SCFD2: variants seen among roughly 807,000 people sequenced by gnomAD.
SCFD2 encodes sec1 family domain containing 2.
SCFD2 carries 54 observed loss-of-function variants against 58.9 expected under a neutral mutation model. The ratio of observed to expected loss-of-function variants is 0.92; its 90% CI spans 0.74 to 1.15. The LOEUF (loss-of-function observed/expected upper bound fraction) is 1.15, where lower values mean the gene tolerates loss of function less well. SCFD2 is among the 50% of genes most tolerant of loss of function. The probability of loss-of-function intolerance (pLI) is 0.00; values close to 1 mark genes in which losing one functional copy is unlikely to be tolerated. For synonymous variants in SCFD2, 321 were observed against 335.9 expected (o/e 0.96, Z 0.49); for missense variants, 805 against 836.6 (o/e 0.96, Z 0.47).
At chr4:53,033,231 C>T (rs1018373819) in intron 5 of SCFD2, among the ~76,000 whole-genome samples, 2 of 151,994 alleles carry the variant, frequency 1.3e-5, no homozygotes, top group South Asian at 2.1e-4. Context: ...GGGTAAATAA[C>T]GAAATGAAGG....
At chr4:53,022,196 G>C (rs1425739723) in intron 5 of SCFD2, among the ~76,000 whole-genome samples, 1 of 152,182 alleles carries the variant, frequency 6.6e-6, no homozygotes, top group African/African-American at 2.4e-5. Flanking sequence ...ACTATTGAGA[G>C]ATGCATGTAA....
chr4:52,886,274 A>G (rs1024236246), intron 7 of SCFD2, among the ~76,000 whole-genome samples: 1 of 152,104 alleles, frequency 6.6e-6, no homozygotes, highest in African/African-American at 2.4e-5. Context: ...TTCTGAGCCC[A>G]TAAAAGCCCT....
In SCFD2 at chr4:52,901,108, C is replaced by T. The variant is rs184727847; in HGVS notation, c.1842+6349G>A. Among the ~76,000 whole-genome samples the T allele has an allele frequency of 1.5e-3, 235 of 152,336 alleles. 7 individuals carry two copies. In the South Asian group the frequency reaches 0.033, roughly 21 times the overall value. On this transcript the variant is annotated intron_variant, in intron 7 of 8. Coordinates refer to ENST00000401642, the MANE Select transcript of SCFD2 (RefSeq NM_152540.4). ...GCACTTCCCAGGTGAGGCGATGCCT[C>T]GACCTGCTTTGGCTCATGCACGGTG...
At chr4:52,993,598 T>C (rs1252065740) in intron 5 of SCFD2, among the ~76,000 whole-genome samples, 1 of 152,104 alleles carries the variant, frequency 6.6e-6, no homozygotes, top group Non-Finnish European at 1.5e-5. Flanking sequence ...AAATGACTGC[T>C]TCAAGAAAAC....
intron 4 of SCFD2, among the ~76,000 whole-genome samples, chr4:53,193,349 C>G (rs1392503473): frequency 2.0e-5 from 3 of 152,186 alleles, no homozygotes; most frequent in African/African-American, 7.2e-5. Context: ...CTGTGATTAT[C>G]TGTTTCAAAG....
At chr4:53,205,091 C>T (rs1404335925) in intron 4 of SCFD2, among the ~76,000 whole-genome samples, 8 of 151,798 alleles carry the variant, frequency 5.3e-5, no homozygotes, top group South Asian at 2.1e-4. Context: ...AAGTTGTAAG[C>T]GAGGAAGATA....
At chr4:53,183,701 A>C (rs1251756077) in intron 4 of SCFD2, among the ~76,000 whole-genome samples, 2 of 152,068 alleles carry the variant, frequency 1.3e-5, no homozygotes, top group Non-Finnish European at 2.9e-5. Flanking sequence ...ATTTAACAGG[A>C]TTAAAATAAG....
intron 5 of SCFD2, among the ~76,000 whole-genome samples, chr4:53,082,215 A>G (rs934323563): frequency 6.6e-6 from 1 of 152,134 alleles, no homozygotes; most frequent in Non-Finnish European, 1.5e-5. Flanking sequence ...ATAGGAGTGG[A>G]ATTGCTGGGC....
At chr4:53,010,626 A>G (rs754225866) in intron 5 of SCFD2, among the ~76,000 whole-genome samples, 1 of 152,224 alleles carries the variant, frequency 6.6e-6, no homozygotes, top group Non-Finnish European at 1.5e-5. Context: ...GATACTCAAT[A>G]AACTTTTCTG....
chr4:53,131,284 G>C (rs1276096207), intron 5 of SCFD2, among the ~76,000 whole-genome samples: 1 of 152,202 alleles, frequency 6.6e-6, no homozygotes, highest in African/African-American at 2.4e-5. Flanking sequence ...CAGTATGCAG[G>C]ATGAATCGGT....
At chr4:53,250,435 T>A (rs1730319291) in intron 4 of SCFD2, among the ~76,000 whole-genome samples, 1 of 152,106 alleles carries the variant, frequency 6.6e-6, no homozygotes, top group Non-Finnish European at 1.5e-5. Context: ...TGAACTCAGC[T>A]CTGCACCAAG....
intron 5 of SCFD2, among the ~76,000 whole-genome samples, chr4:52,984,836 T>C (rs1721452581): frequency 9.9e-5 from 15 of 152,228 alleles, no homozygotes; most frequent in Admixed American, 9.8e-4. Flanking sequence ...CCAAAACAAC[T>C]TTAATGAAAT....
At chr4:53,236,984 C>T (rs71597826) in intron 4 of SCFD2, among the ~76,000 whole-genome samples, 1 of 150,642 alleles carries the variant, frequency 6.6e-6, no homozygotes, top group South Asian at 2.1e-4. Flanking sequence ...GAGGACCCTG[C>T]GGCCTTCCGC....
At chr4:53,076,045 T>C (rs1294779759) in intron 5 of SCFD2, among the ~76,000 whole-genome samples, 2 of 152,116 alleles carry the variant, frequency 1.3e-5, no homozygotes, top group Non-Finnish European at 2.9e-5. Context: ...TGTGTAGGGA[T>C]TATTTGCCCC....
intron 4 of SCFD2, among the ~76,000 whole-genome samples, chr4:53,154,291 T>C (rs2148920801): frequency 6.6e-6 from 1 of 152,310 alleles, no homozygotes; most frequent in East Asian, 1.9e-4. Flanking sequence ...CAGCTTCTGG[T>C]AAGGTCTCAG....
chr4:53,171,246 T>C (rs1390945227), intron 4 of SCFD2, among the ~76,000 whole-genome samples: 2 of 152,188 alleles, frequency 1.3e-5, no homozygotes, highest in African/African-American at 4.8e-5. Context: ...TTGTCAAATG[T>C]TTTTTCTGCA....
In SCFD2 at chr4:53,365,085, T is replaced by C; in HGVS notation, c.838+19A>G. ...AATGTGGGGAATGGTAATGAAGAAC[T>C]CCAGAGCAATGCACTTACCTGTGAG... On this transcript the variant is annotated intron_variant, in intron 1 of 8. Transcript: ENST00000401642. This position sits in a 1 kb window ranked among gnomAD's most constrained non-coding sequence, Gnocchi z 4.3. 6.2e-7 allele frequency: 1 copy of C among 1,608,346 alleles called. No homozygotes were observed. Among genetic ancestry groups the C allele is most frequent in the Non-Finnish European group, 8.5e-7 (1 of 1,177,406 alleles).
At chr4:52,943,725 A>C (rs1316490131) in intron 5 of SCFD2, among the ~76,000 whole-genome samples, 2 of 152,004 alleles carry the variant, frequency 1.3e-5, no homozygotes, top group Non-Finnish European at 2.9e-5. Flanking sequence ...GCAACACTTG[A>C]ATTTTGGAGG....
chr4:53,121,748 C>A (rs1477938743), intron 5 of SCFD2, among the ~76,000 whole-genome samples: 1 of 152,188 alleles, frequency 6.6e-6, no homozygotes, highest in Non-Finnish European at 1.5e-5. Flanking sequence ...TCTTGACTCC[C>A]TTTGTGGAAG....
Sources: gnomAD v4.1 joint callset for allele counts (sites outside exome capture counted in the v4.1 genomes callset) on GRCh38, gnomAD v4.1.1 for gene constraint, Gnocchi (gnomAD v3.1) non-coding constraint, MANE v1.5 for transcripts, NCBI Gene and HGNC (gene_info 2026-07-23, HGNC 2026-07-21) for gene names.